The following DHODH variants were observed in gnomAD, a reference collection of about 807,000 sequenced individuals.
The protein encoded by DHODH is dihydroorotate dehydrogenase (quinone).
A neutral mutation model predicts 39.7 loss-of-function variants in DHODH; 30 were observed. That is an observed-to-expected ratio of 0.76 (90% confidence interval 0.57 to 1.02). The LOEUF (loss-of-function observed/expected upper bound fraction) is 1.02. DHODH is among the 50% of genes least tolerant of loss of function. The pLI is 0.00. For missense variants in DHODH, 531 were observed against 520.8 expected (o/e 1.02, Z -0.19); for synonymous variants, 222 against 213.8 (o/e 1.04, Z -0.34).
In DHODH at chr16:72,014,602, C is replaced by T. The variant is rs2041119906; in HGVS notation, c.364C>T (p.Pro122Ser). ...TTTTGTTGAGATAGGAAGTGTGACT[C>T]CAAAACCTCAGGAAGGAAACCCTAG... ...FGFVEIGSVT[P>S]KPQEGNPRPR... The change falls in exon 3 of 9, where the codon CCA (proline) becomes TCA (serine). Residue 122 changes from proline (P) to serine (S), a missense_variant. Pro to Ser is a moderately conservative substitution (Grantham distance 74). Coordinates refer to ENST00000219240, the MANE Select transcript of DHODH (RefSeq NM_001361.5). 1 of 1,614,156 alleles carries T rather than the reference C, an allele frequency of 6.2e-7. No individual in the cohort carries two copies. The highest frequency in any genetic ancestry group is 2.2e-5 in the East Asian group (1 of 44,888).
At chr16:72,017,865 G>C (rs369744064) in intron 4 of DHODH, among the ~76,000 whole-genome samples, 1 of 143,714 alleles carries the variant, frequency 7.0e-6, no homozygotes, top group Non-Finnish European at 1.5e-5. Context: ...TCTGCTTCCC[G>C]CGTTCTCACT....
intron 1 of DHODH, chr16:72,008,995 A>G (rs2041051520): frequency 1.4e-6 from 2 of 1,466,392 alleles, no homozygotes; most frequent in Non-Finnish European, 1.8e-6. Flanking sequence ...CAGCGCCTGC[A>G]GGTCTGGGTG....
At chr16:72,010,933 C>T (rs1341443571) in intron 1 of DHODH, among the ~76,000 whole-genome samples, 1 of 151,984 alleles carries the variant, frequency 6.6e-6, no homozygotes, top group Non-Finnish European at 1.5e-5. Context: ...ACTATGTTCC[C>T]CAGGCTGGTC....
intron 4 of DHODH, among the ~76,000 whole-genome samples, chr16:72,018,588 C>T (rs1011898884): frequency 5.3e-5 from 8 of 152,282 alleles, no homozygotes; most frequent in South Asian, 2.1e-4. Context: ...TTCTTCCTCA[C>T]CCAGCCCTCC....
At chr16:72,017,770 CTTTTTTT>C (rs71153696) in intron 4 of DHODH, among the ~76,000 whole-genome samples, 2 of 103,800 alleles carry the variant, frequency 1.9e-5, no homozygotes, top group East Asian at 4.9e-4. Flanking sequence ...AAACAACATG[CTTTTTTT>C]TTTTTTTTTT....
At chr16:72,012,336 C>A in intron 2 of DHODH, 74 bp downstream of exon 2, 2 of 1,408,962 alleles carry the variant, frequency 1.4e-6, no homozygotes, top group Non-Finnish European at 1.0e-6. Context: ...TCAGCTGGGA[C>A]TGATCTTTTT....
chr16:72,014,441 G>A (rs772572301), intron 2 of DHODH, 32 bp from the exon 3 acceptor site: 2 of 1,598,672 alleles, frequency 1.3e-6, no homozygotes, highest in East Asian at 2.2e-5. Flanking sequence ...GATAGCCTTA[G>A]CGTGCCTCTG....
At chr16:72,017,769 G>GATTTTTTTTTTTTTTTTTTTTT (rs1567571747) in intron 4 of DHODH, among the ~76,000 whole-genome samples, 1 of 71,940 alleles carries the variant, frequency 1.4e-5, no homozygotes, top group African/African-American at 8.7e-5. Flanking sequence ...AAAACAACAT[G>GATTTTTTTTTTTTTTTTTTTTT]CTTTTTTTTT....
chr16:72,018,979 G>C (rs2041173643), intron 4 of DHODH, among the ~76,000 whole-genome samples: 1 of 152,102 alleles, frequency 6.6e-6, no homozygotes, highest in South Asian at 2.1e-4. Context: ...TGTTTCTTTT[G>C]AGACAGAGTC....
rs138798463 is a variant in DHODH at position 72,018,439 on chromosome 16, G to A, written c.517+1333G>A. Among the ~76,000 whole-genome samples, 87 of 152,336 alleles carry A rather than the reference G, an allele frequency of 5.7e-4. 1 individual carries two copies. The highest frequency in any genetic ancestry group is 5.0e-3 in the East Asian group (26 of 5,182). ...CCTGGGTTGGGTGGAACCAGACCCC[G>A]CTGTACTGCAGAGCCGCCCACCTGG... is the stretch of plus-strand genomic sequence containing the variant. On this transcript the variant is annotated intron_variant, in intron 4 of 8. Coordinates refer to ENST00000219240, the MANE Select transcript of DHODH (RefSeq NM_001361.5).
Position 72,010,990 on chromosome 16 carries a change from T to C in DHODH, c.22-1060T>C, listed in dbSNP as rs1209028722. Among the ~76,000 whole-genome samples, 4 of 152,000 alleles carry C rather than the reference T, an allele frequency of 2.6e-5. No homozygotes were observed. In the East Asian group the frequency reaches 7.7e-4, roughly 29 times the overall value. ...GTCCTCCCACTTCAGCCTCCCAAAG[T>C]GCCGGGATTACAAGCATGAGCCACC... is the stretch of plus-strand genomic sequence containing the variant. On this transcript the variant is annotated intron_variant, in intron 1 of 8. Coordinates refer to ENST00000219240, the MANE Select transcript of DHODH (RefSeq NM_001361.5).
intron 4 of DHODH, among the ~76,000 whole-genome samples, chr16:72,019,649 T>C (rs180880837): frequency 4.6e-5 from 7 of 152,342 alleles, no homozygotes; most frequent in African/African-American, 1.7e-4. Context: ...ATTGCTTACA[T>C]GTAAACTGAG....
chr16:72,025,513 T>C lies in DHODH; in HGVS notation c.*1314T>C, dbSNP rs1292435887. 6.6e-6 allele frequency: 1 copy of C among 152,278 alleles called. No individual in the cohort carries two copies. Among genetic ancestry groups the C allele is most frequent in the African/African-American group, 2.4e-5 (1 of 41,462 alleles). The allele number at this position is 152,278 out of a possible 1,614,324, so 9.4% of individuals were successfully genotyped here. A position where few individuals can be genotyped will look rare whatever the true frequency, so the allele number is the denominator to read the frequency against. ...AGTCCCCTGTTGGTGATCACATCGC[T>C]AACTTCCGGCGTTTTCCTATCACCA... On this transcript the variant is annotated 3_prime_UTR_variant, in exon 9 of 9. Transcript: ENST00000219240.
At chr16:72,022,216 C>A in intron 5 of DHODH, 146 bp from the exon 6 acceptor site, 1 of 672,284 alleles carries the variant, frequency 1.5e-6, no homozygotes, top group South Asian at 1.6e-5. Context: ...CTCCTCACGT[C>A]TGAGGGCTGG....
In DHODH at chr16:72,023,293, T is replaced by G; in HGVS notation, c.948T>G (p.Ile316Met). 1 of 1,614,178 alleles carries G rather than the reference T, an allele frequency of 6.2e-7. No homozygotes were observed. Among genetic ancestry groups the G allele is most frequent in the African/African-American group, 1.3e-5 (1 of 75,054 alleles). The stretch of plus-strand genomic sequence containing the variant: ...TCCGGGATTTATCAACTCAAACCAT[T>G]CGGGAGATGTATGCACTCACCCAAG... ...KPLRDLSTQT[I>M]REMYALTQGR... The change falls in exon 7 of 9, where the codon ATT (isoleucine) becomes ATG (methionine). Residue 316 changes from isoleucine to methionine, a missense_variant. Physicochemically the swap from Ile to Met is conservative, Grantham distance 10. Transcript: ENST00000219240.
intron 1 of DHODH, among the ~76,000 whole-genome samples, chr16:72,009,825 A>C (rs895096321): frequency 6.6e-6 from 1 of 152,296 alleles, no homozygotes; most frequent in South Asian, 2.1e-4. Flanking sequence ...CATGTTGGTC[A>C]GGCTGGTCTC....
chr16:72,015,934 T>C, intron 3 of DHODH: 5 of 952,842 alleles, frequency 5.2e-6, no homozygotes, highest in Non-Finnish European at 6.2e-6. Context: ...GTGTCTGTTA[T>C]TATGGATGCT....
chr16:72,015,231 T>A (rs1363876810), intron 3 of DHODH, among the ~76,000 whole-genome samples: 2 of 152,228 alleles, frequency 1.3e-5, no homozygotes, highest in African/African-American at 2.4e-5. Flanking sequence ...CTGTACCAAG[T>A]CTTCAAGAGC....
chr16:72,026,996 TGTGTG>T lies in DHODH; in HGVS notation c.*2798_*2802del, dbSNP rs2041282230. On this transcript the variant is annotated 3_prime_UTR_variant, in exon 9 of 9. Transcript: ENST00000219240. ...GTGTGTGTGTGTGTGTGTGTGTGTG[TGTGTG>T]TGTGTGTGTTTTTGAGATGGAGTCC... 8 of 138,546 alleles carry T rather than the reference TGTGTG, an allele frequency of 5.8e-5. 1 individual carries two copies. The highest frequency in any genetic ancestry group is 9.7e-5 in the Non-Finnish European group (6 of 62,166). 8.6% of individuals were successfully genotyped at this position (138,546 alleles called of 1,614,324 possible).
Sources: allele counts gnomAD v4.1 joint callset (sites outside exome capture counted in the v4.1 genomes callset), GRCh38; gene constraint gnomAD v4.1.1; transcripts MANE v1.5; gene names NCBI Gene and HGNC (gene_info 2026-07-23, HGNC 2026-07-21).